IPCEF1: variants seen among roughly 807,000 people sequenced by gnomAD.
The protein encoded by IPCEF1 is interaction protein for cytohesin exchange factors 1, also known as interactor protein for cytohesin exchange factors 1.
IPCEF1 carries 31 observed loss-of-function variants against 50.9 expected under a neutral mutation model. The observed-to-expected ratio is 0.61, with a 90% CI of 0.46 to 0.82. The LOEUF (loss-of-function observed/expected upper bound fraction) is 0.82, where lower values mean the gene tolerates loss of function less well. Ranked by LOEUF, IPCEF1 falls within the 40% of genes least tolerant of loss-of-function variation. The probability of loss-of-function intolerance (pLI) is 0.00; values close to 1 mark genes in which losing one functional copy is unlikely to be tolerated. For synonymous variants in IPCEF1, 181 were observed against 192.0 expected (o/e 0.94, Z 0.47); for missense variants, 458 against 514.0 (o/e 0.89, Z 1.05).
chr6:154,237,943 C>A (rs13193952), intron 5 of IPCEF1, among the ~76,000 whole-genome samples: 40,756 of 151,932 alleles, frequency 0.27, 6,030 homozygotes, highest in Admixed American at 0.45. Flanking sequence ...AGTGTGTGTG[C>A]ACTTATGTAC....
intron 1 of IPCEF1, among the ~76,000 whole-genome samples, chr6:154,311,190 T>C (rs1268832747): frequency 6.6e-6 from 1 of 152,298 alleles, no homozygotes; most frequent in Non-Finnish European, 1.5e-5. Context: ...CTGCCAGGCA[T>C]TTTGTTCTTG....
chr6:154,195,293 G>A (rs528393606), intron 10 of IPCEF1, among the ~76,000 whole-genome samples: 13 of 151,706 alleles, frequency 8.6e-5, no homozygotes, highest in African/African-American at 1.2e-4. Flanking sequence ...GACTACAGGC[G>A]CCCGCCACCA....
At chr6:154,311,885 T>C (rs770096080) in intron 1 of IPCEF1, among the ~76,000 whole-genome samples, 38 of 152,154 alleles carry the variant, frequency 2.5e-4, no homozygotes, top group Non-Finnish European at 5.0e-4. Flanking sequence ...GAAAACAGTA[T>C]GGAAGTTTCT....
At chr6:154,205,456 G>A (rs535240782) in intron 9 of IPCEF1, among the ~76,000 whole-genome samples, 12 of 152,166 alleles carry the variant, frequency 7.9e-5, no homozygotes, top group African/African-American at 1.7e-4. Flanking sequence ...TTAGCTGGGC[G>A]TGGTGGTGCA....
chr6:154,291,490 C>T (rs1292296411), intron 1 of IPCEF1, among the ~76,000 whole-genome samples: 1 of 151,932 alleles, frequency 6.6e-6, no homozygotes, highest in Non-Finnish European at 1.5e-5. Context: ...ACCTAGATGG[C>T]CTTCACCTTG....
intron 1 of IPCEF1, among the ~76,000 whole-genome samples, chr6:154,343,668 G>C (rs1366209667): frequency 1.3e-5 from 2 of 152,184 alleles, no homozygotes; most frequent in Non-Finnish European, 2.9e-5. Flanking sequence ...CATTGACCCA[G>C]GTGTGCTGTG....
intron 3 of IPCEF1, among the ~76,000 whole-genome samples, chr6:154,264,845 G>A (rs1781713567): frequency 6.6e-6 from 1 of 152,046 alleles, no homozygotes; most frequent in African/African-American, 2.4e-5. Context: ...TGTTACTAAG[G>A]TGTCCCTTTC....
chr6:154,209,735 T>C (rs906863260), intron 9 of IPCEF1, among the ~76,000 whole-genome samples: 2 of 152,104 alleles, frequency 1.3e-5, no homozygotes, highest in Non-Finnish European at 2.9e-5. Flanking sequence ...GTGCCTTCCA[T>C]GTCTGTTTTT....
intron 10 of IPCEF1, among the ~76,000 whole-genome samples, chr6:154,175,178 T>G (rs559154196): frequency 1.9e-4 from 29 of 152,314 alleles, no homozygotes; most frequent in African/African-American, 6.0e-4. Context: ...AAGCAGTGTT[T>G]AGAGGGAAAT....
intron 7 of IPCEF1, 155 bp from the exon 8 acceptor site, chr6:154,214,431 C>A (rs1047492654): frequency 1.5e-6 from 1 of 658,886 alleles, no homozygotes; most frequent in Admixed American, 2.5e-5. Context: ...AAACCTAAGG[C>A]CTCTGGTTTC....
At chr6:154,257,312 C>T (rs1169499933) in intron 3 of IPCEF1, among the ~76,000 whole-genome samples, 1 of 152,168 alleles carries the variant, frequency 6.6e-6, no homozygotes, top group Non-Finnish European at 1.5e-5. Flanking sequence ...TAGCTCTCCC[C>T]ACATTTAGCG....
rs1798645864 is a variant in IPCEF1, at chr6:154,154,788, C to A, written c.*5040G>T. The A allele has an allele frequency of 6.6e-6, 1 of 152,302 alleles. No homozygotes were observed. Among genetic ancestry groups the A allele is most frequent in the African/African-American group, 2.4e-5 (1 of 41,316 alleles). 9.4% of individuals were successfully genotyped at this position (152,302 alleles called of 1,614,324 possible). On this transcript the variant is annotated 3_prime_UTR_variant, in exon 12 of 12. Transcript: ENST00000367220. Reference sequence around the variant, plus strand: ...AACATAAAGCAGGAGAGAAATGAGCCATGCCTCTTTTTCAGTTTAGAGGGG... The same window carrying A: ...AACATAAAGCAGGAGAGAAATGAGCAATGCCTCTTTTTCAGTTTAGAGGGG...
At chr6:154,313,564 G>A (rs1352360261) in intron 1 of IPCEF1, among the ~76,000 whole-genome samples, 2 of 152,114 alleles carry the variant, frequency 1.3e-5, no homozygotes, top group African/African-American at 4.8e-5. Context: ...ATTAAAGAAA[G>A]ATGTTTTGGT....
At position 154,293,915 on chromosome 6, in the gene IPCEF1, T is replaced by C. The variant is rs138154106; in HGVS notation, c.-61-4159A>G. Among the ~76,000 whole-genome samples, 92 of 152,322 alleles carry C rather than the reference T, an allele frequency of 6.0e-4. 1 individual carries two copies. The East Asian group carries it at 0.016, about 27-fold the overall frequency. On this transcript the variant is annotated intron_variant, in intron 1 of 11. Transcript: ENST00000367220. Reference sequence around the variant, plus strand: ...GAAGTCTTTAATAGAACATGTATCATTCATTTTTCCCCACTAATCCTCAAC... The same window carrying C: ...GAAGTCTTTAATAGAACATGTATCACTCATTTTTCCCCACTAATCCTCAAC...
chr6:154,180,416 T>TATATATA (rs1562526757), intron 10 of IPCEF1, among the ~76,000 whole-genome samples: 64 of 51,090 alleles, frequency 1.3e-3, no homozygotes, highest in Middle Eastern at 0.012. Flanking sequence ...ATATATATAT[T>TATATATA]TTTTTTTTAA....
At chr6:154,193,342 A>G (rs879701006) in intron 10 of IPCEF1, among the ~76,000 whole-genome samples, 3 of 152,208 alleles carry the variant, frequency 2.0e-5, no homozygotes, top group Non-Finnish European at 4.4e-5. Context: ...ACGATAAAAT[A>G]GACTTTGGGG....
intron 1 of IPCEF1, among the ~76,000 whole-genome samples, chr6:154,319,451 T>G (rs1783315551): frequency 6.6e-6 from 1 of 152,226 alleles, no homozygotes; most frequent in South Asian, 2.1e-4. Context: ...CTACTAAACA[T>G]TTTTTAAATA....
intron 1 of IPCEF1, among the ~76,000 whole-genome samples, chr6:154,331,667 T>A (rs1473738329): frequency 1.3e-5 from 2 of 152,144 alleles, no homozygotes; most frequent in Non-Finnish European, 2.9e-5. Context: ...GGCTCAAGCA[T>A]GTGCACTAAG....
chr6:154,295,015 G>A (rs377306625), intron 1 of IPCEF1, among the ~76,000 whole-genome samples: 23 of 152,234 alleles, frequency 1.5e-4, no homozygotes, highest in Non-Finnish European at 2.4e-4. Context: ...TGGCTAACAC[G>A]GTGAAAGCCC....
Sources: allele counts gnomAD v4.1 joint callset (sites outside exome capture counted in the v4.1 genomes callset), GRCh38; gene constraint gnomAD v4.1.1; transcripts MANE v1.5; gene names NCBI Gene and HGNC (gene_info 2026-07-23, HGNC 2026-07-21).